The following NRG1 variants were observed in gnomAD, a reference collection of about 807,000 sequenced individuals.
The protein encoded by NRG1 is pro-neuregulin-1, membrane-bound isoform.
In NRG1, 18 loss-of-function variants were observed where a neutral mutation model predicts 63.8. The observed-to-expected ratio is 0.28, with a 90% CI of 0.19 to 0.42. NRG1 has a LOEUF of 0.42. Ranked by LOEUF, NRG1 falls within the 10% of genes least tolerant of loss-of-function variation. NRG1 has a pLI of 1.00. For synonymous variants in NRG1, 302 were observed against 301.3 expected (o/e 1.00, Z -0.02); for missense variants, 762 against 814.7 (o/e 0.94, Z 0.79).
intron 1 of NRG1, among the ~76,000 whole-genome samples, 174 bp downstream of exon 1, chr8:32,549,000 AC>A (rs1833562578): frequency 6.6e-6 from 1 of 152,076 alleles, no homozygotes; most frequent in South Asian, 2.1e-4. Flanking sequence ...GCCGCCGCTC[AC>A]CTGGGCGCCG....
At chr8:32,346,101 A>G (rs1804858756) in intron 1 of NRG1, among the ~76,000 whole-genome samples, 1 of 147,648 alleles carries the variant, frequency 6.8e-6, no homozygotes, top group Non-Finnish European at 1.5e-5. Context: ...ATACTTATAA[A>G]TTATATAATA....
chr8:31,709,735 A>G (rs984997873), intron 1 of NRG1, among the ~76,000 whole-genome samples: 1 of 151,984 alleles, frequency 6.6e-6, no homozygotes, highest in Non-Finnish European at 1.5e-5. Flanking sequence ...TTATTTTGGC[A>G]TAGAGCTGAA....
chr8:32,301,987 C>T (rs1279337913), intron 1 of NRG1, among the ~76,000 whole-genome samples: 1 of 152,110 alleles, frequency 6.6e-6, no homozygotes, highest in African/African-American at 2.4e-5. Context: ...AGTGAATGTA[C>T]CTGCATCCCA....
chr8:31,840,845 C>G (rs754185568), intron 1 of NRG1, among the ~76,000 whole-genome samples: 2 of 152,188 alleles, frequency 1.3e-5, no homozygotes, highest in Non-Finnish European at 2.9e-5. Context: ...GGAGAGAACA[C>G]TGCCGAGTCA....
intron 1 of NRG1, among the ~76,000 whole-genome samples, chr8:31,714,401 C>G (rs1356544241): frequency 6.6e-6 from 1 of 151,902 alleles, no homozygotes; most frequent in African/African-American, 2.4e-5. Context: ...TAAAATTAGC[C>G]AGGGTTTAGA....
chr8:31,969,320 A>G (rs756003232), intron 1 of NRG1, among the ~76,000 whole-genome samples: 19 of 152,182 alleles, frequency 1.2e-4, no homozygotes, highest in Non-Finnish European at 2.6e-4. Flanking sequence ...TCATTTTGGG[A>G]TCATTTTTTA....
intron 1 of NRG1, among the ~76,000 whole-genome samples, chr8:31,872,070 C>T (rs1262081360): frequency 6.6e-6 from 1 of 152,174 alleles, no homozygotes; most frequent in Admixed American, 6.5e-5. Flanking sequence ...ATCTTAAAGG[C>T]CTGTATGCAT....
intron 1 of NRG1, among the ~76,000 whole-genome samples, chr8:31,945,674 C>T (rs1802435356): frequency 6.6e-6 from 1 of 152,214 alleles, no homozygotes; most frequent in Non-Finnish European, 1.5e-5. Flanking sequence ...CCGCAGCTCC[C>T]TTTCGACAGG....
chr8:31,987,938 A>T (rs971280194), intron 1 of NRG1, among the ~76,000 whole-genome samples: 34 of 152,254 alleles, frequency 2.2e-4, no homozygotes, highest in African/African-American at 7.7e-4. Flanking sequence ...ATAAAGGATT[A>T]TGCTGTGATC....
Position 32,064,974 on chromosome 8 carries a change from T to G in NRG1, c.37+425543T>G, listed in dbSNP as rs373132778. Among the ~76,000 whole-genome samples, 490 of 152,240 alleles carry G rather than the reference T, an allele frequency of 3.2e-3. 5 individuals are homozygous for G. Among genetic ancestry groups the G allele is most frequent in the Non-Finnish European group, 4.6e-3 (312 of 67,998 alleles). ...ACAAATGTACATGATACAAGTAAAC[T>G]TGAAGAAACCAATTACATTGGGGGA... On this transcript the variant is annotated intron_variant, in intron 1 of 10. Transcript: ENST00000519301.
intron 1 of NRG1, among the ~76,000 whole-genome samples, chr8:32,355,444 G>A (rs1806249359): frequency 6.6e-6 from 1 of 152,080 alleles, no homozygotes; most frequent in Non-Finnish European, 1.5e-5. Context: ...GGGTGACAGA[G>A]CAAGACTCCC....
At chr8:31,982,773 AT>A (rs938570214) in intron 1 of NRG1, among the ~76,000 whole-genome samples, 1 of 152,018 alleles carries the variant, frequency 6.6e-6, no homozygotes, top group African/African-American at 2.4e-5. Flanking sequence ...AGAAACTGCT[AT>A]TTTTTTCATC....
At chr8:32,568,019 T>C (rs1837791389) in intron 1 of NRG1, among the ~76,000 whole-genome samples, 1 of 152,218 alleles carries the variant, frequency 6.6e-6, no homozygotes, top group African/African-American at 2.4e-5. Context: ...CCTGATGGGA[T>C]TTGGACCATT....
At chr8:32,419,410 A>T (rs529013311) in intron 1 of NRG1, among the ~76,000 whole-genome samples, 2 of 152,314 alleles carry the variant, frequency 1.3e-5, no homozygotes, top group South Asian at 4.1e-4. Context: ...CCACAACTAC[A>T]ATGACCAGTA....
intron 1 of NRG1, among the ~76,000 whole-genome samples, chr8:32,354,167 G>T (rs992368933): frequency 6.6e-6 from 1 of 151,918 alleles, no homozygotes; most frequent in African/African-American, 2.4e-5. Flanking sequence ...TCAGGAGTTC[G>T]AGACCCCCCA....
chr8:32,015,001 C>T (rs1815297055), intron 1 of NRG1, among the ~76,000 whole-genome samples: 1 of 152,108 alleles, frequency 6.6e-6, no homozygotes, highest in South Asian at 2.1e-4. Context: ...CAGATTCTCC[C>T]TCACAGCATG....
At chr8:31,805,562 C>T (rs973525693) in intron 1 of NRG1, among the ~76,000 whole-genome samples, 8 of 151,970 alleles carry the variant, frequency 5.3e-5, no homozygotes, top group Non-Finnish European at 1.0e-4. Flanking sequence ...GGCGCGGTGG[C>T]TCACGTCTGT....
chr8:32,619,928 T>G (rs1373789437), intron 5 of NRG1, among the ~76,000 whole-genome samples: 1 of 152,158 alleles, frequency 6.6e-6, no homozygotes, highest in Non-Finnish European at 1.5e-5. Context: ...AAACCAGTCG[T>G]GGCAGGAACC....
intron 6 of NRG1, among the ~76,000 whole-genome samples, chr8:32,729,040 C>CCTGGAGTGCAGTGCGAGA (rs1395426307): frequency 6.6e-6 from 1 of 152,012 alleles, no homozygotes; most frequent in Non-Finnish European, 1.5e-5. Context: ...TGCACTCCAG[C>CCTGGAGTGCAGTGCGAGA]CTGGGTGACA....
Sources: gnomAD v4.1 joint callset for allele counts (sites outside exome capture counted in the v4.1 genomes callset) on GRCh38, gnomAD v4.1.1 for gene constraint, MANE v1.5 for transcripts, NCBI Gene and HGNC (gene_info 2026-07-23, HGNC 2026-07-21) for gene names.